The following RASEF variants were observed in gnomAD, a reference collection of about 807,000 sequenced individuals.
RASEF encodes the protein RAS and EF-hand domain containing, also known as ras and EF-hand domain-containing protein.
A neutral mutation model predicts 90.1 loss-of-function variants in RASEF; 68 were observed. The observed-to-expected ratio is 0.75, with a 90% CI of 0.62 to 0.92. The LOEUF is 0.92. Among genes scored for constraint, RASEF ranks in the 40% least tolerant of loss-of-function variants. The pLI is 0.00. For missense variants in RASEF, 949 were observed against 937.2 expected (o/e 1.01, Z -0.16); for synonymous variants, 331 against 345.2 (o/e 0.96, Z 0.46).
At chr9:82,982,812 AGAGAG>A (rs766116686) in intron 16 of RASEF, 30 bp from the exon 17 acceptor site, 156 of 956,980 alleles carry the variant, frequency 1.6e-4, no homozygotes, top group South Asian at 8.6e-4. Flanking sequence ...AGACAGAGAG[AGAGAG>A]AGAGAGAGAG....
chr9:83,018,513 T>C (rs899797276), intron 3 of RASEF, among the ~76,000 whole-genome samples: 15 of 145,466 alleles, frequency 1.0e-4, no homozygotes, highest in African/African-American at 4.0e-4. Flanking sequence ...AATTGATCTA[T>C]AGACGCAATG....
At chr9:83,008,357 A>ATTT (rs918473383) in intron 6 of RASEF, among the ~76,000 whole-genome samples, 2 of 150,580 alleles carry the variant, frequency 1.3e-5, no homozygotes, top group Admixed American at 6.6e-5. Flanking sequence ...AAACTTTTTA[A>ATTT]TTTTTTTTTT....
At chr9:83,010,830 C>G (rs1238669104) in intron 5 of RASEF, among the ~76,000 whole-genome samples, 3 of 152,198 alleles carry the variant, frequency 2.0e-5, no homozygotes, top group Non-Finnish European at 4.4e-5. Context: ...GAAAGGCCTT[C>G]AGGTGAGCAT....
chr9:83,054,955 A>C (rs986783905), intron 1 of RASEF: 19 of 147,224 alleles, frequency 1.3e-4, no homozygotes, highest in African/African-American at 4.9e-4. Context: ...CAAAGCTGTC[A>C]GACAGGGACA....
At chr9:83,018,294 A>G (rs2118540659) in intron 3 of RASEF, among the ~76,000 whole-genome samples, 1 of 152,322 alleles carries the variant, frequency 6.6e-6, no homozygotes, top group South Asian at 2.1e-4. Context: ...TACGAGACCA[A>G]TCTCAAAAAT....
the RASEF span, among the ~76,000 whole-genome samples, chr9:83,158,599 AATATATACATATATGTATATATGTACAT>A: frequency 6.9e-6 from 1 of 144,570 alleles, no homozygotes; most frequent in African/African-American, 2.5e-5. Flanking sequence ...TATATGTCCA[AATATATACATATATGTATATATGTACAT>A]ATGTATATAT....
the RASEF span, among the ~76,000 whole-genome samples, chr9:83,173,895 C>T: frequency 1.3e-4 from 19 of 151,818 alleles, no homozygotes; most frequent in South Asian, 2.1e-4. Context: ...GCTGATTTTT[C>T]GTTCTTGATA....
intron 2 of RASEF, 76 bp downstream of exon 2, chr9:83,025,699 T>A (rs1435575542): frequency 2.8e-6 from 4 of 1,429,392 alleles, no homozygotes; most frequent in Non-Finnish European, 3.9e-6. Context: ...ACAATGCAGT[T>A]CAGTCCATTT....
At chr9:83,111,558 G>T in the RASEF span, among the ~76,000 whole-genome samples, 1 of 151,832 alleles carries the variant, frequency 6.6e-6, no homozygotes, top group East Asian at 1.9e-4. Flanking sequence ...GCTTGATTGT[G>T]GTAATTATTT....
chr9:83,105,613 A>G, the RASEF span, among the ~76,000 whole-genome samples: 1 of 152,238 alleles, frequency 6.6e-6, no homozygotes, highest in Non-Finnish European at 1.5e-5. Context: ...AAATACACTA[A>G]GACAAAATTG....
In RASEF at chr9:83,000,149, A is replaced by G. The variant is rs533038973; in HGVS notation, c.1723+20T>C. 1 of 1,606,920 alleles carries G rather than the reference A, an allele frequency of 6.2e-7. No individual in the cohort carries two copies. The highest frequency in any genetic ancestry group is 2.2e-5 in the East Asian group (1 of 44,820). On this transcript the variant is annotated intron_variant, in intron 12 of 16. Transcript: ENST00000376447. ...TAAGGAAGGTCATTTTCCCATTATC[A>G]ACCGAAATACGAGCCATACCCAGGG...
chr9:83,058,772 C>T (rs1019010443), intron 1 of RASEF, among the ~76,000 whole-genome samples: 2 of 152,122 alleles, frequency 1.3e-5, no homozygotes. Context: ...TAAGGTAAGC[C>T]GTTTTGCCAA....
chr9:83,195,560 C>T, the RASEF span, among the ~76,000 whole-genome samples: 9 of 152,094 alleles, frequency 5.9e-5, no homozygotes, highest in African/African-American at 1.4e-4. Context: ...CAGGCACTAG[C>T]GATACAGCAG....
chr9:83,062,837 C>G lies in RASEF; in HGVS notation c.31G>C (p.Ala11Pro), dbSNP rs1830241071. The G allele has an allele frequency of 1.9e-6, 3 of 1,544,668 alleles. No homozygotes were observed. Among genetic ancestry groups the G allele is most frequent in the Admixed American group, 3.7e-5 (2 of 54,440 alleles). Reference sequence around the variant, plus strand: ...GCGGCGAAGACTGAGCGCAGCCGGGCCAGCTCCTCTCCGTCCCCATCCGCC... The same window carrying G: ...GCGGCGAAGACTGAGCGCAGCCGGGGCAGCTCCTCTCCGTCCCCATCCGCC... MEADGDGEEL[A>P]RLRSVFAACD... The change falls in exon 1 of 17, where the codon GCC becomes CCC. Residue 11 changes from alanine (A) to proline (P), a missense_variant. Around this residue, in one of 3 missense-constraint regions of RASEF, gnomAD observed 656 missense variants for 592.2 expected, o/e 1.11. Transcript: ENST00000376447.
chr9:83,033,214 C>T (rs1188475228), intron 1 of RASEF, among the ~76,000 whole-genome samples: 4 of 152,162 alleles, frequency 2.6e-5, no homozygotes, highest in Admixed American at 2.6e-4. Context: ...AGCATCTGAA[C>T]ATGAGACATG....
chr9:83,121,237 C>T, the RASEF span, among the ~76,000 whole-genome samples: 1 of 152,162 alleles, frequency 6.6e-6, no homozygotes, highest in South Asian at 2.1e-4. Context: ...AAATATTTCA[C>T]ATTAATAATA....
chr9:83,061,214 G>A (rs1272609154), intron 1 of RASEF, among the ~76,000 whole-genome samples: 2 of 151,970 alleles, frequency 1.3e-5, no homozygotes, highest in African/African-American at 4.8e-5. Context: ...AGAAAAGATC[G>A]TTACACACCC....
chr9:83,045,287 A>G (rs1829908447), intron 1 of RASEF, among the ~76,000 whole-genome samples: 1 of 152,214 alleles, frequency 6.6e-6, no homozygotes, highest in Non-Finnish European at 1.5e-5. Context: ...GGGCTAATCA[A>G]TGTAGACCAA....
At chr9:83,045,147 A>G (rs1339831566) in intron 1 of RASEF, among the ~76,000 whole-genome samples, 2 of 152,228 alleles carry the variant, frequency 1.3e-5, no homozygotes, top group Non-Finnish European at 2.9e-5. Flanking sequence ...TGGTATATAT[A>G]TAACACATAC....
Sources: gnomAD v4.1 joint callset for allele counts (sites outside exome capture counted in the v4.1 genomes callset) on GRCh38, gnomAD v4.1.1 for gene constraint, gnomAD v4.1.1 regional missense constraint, MANE v1.5 for transcripts, NCBI Gene and HGNC (gene_info 2026-07-23, HGNC 2026-07-21) for gene names.